ACCSL: variants seen among roughly 807,000 people sequenced by gnomAD.
ACCSL encodes the protein 1-aminocyclopropane-1-carboxylate synthase homolog (inactive) like, also known as probable inactive 1-aminocyclopropane-1-carboxylate synthase-like protein 2.
In ACCSL, 55 loss-of-function variants were observed where a neutral mutation model predicts 61.7. That is an observed-to-expected ratio of 0.89 (90% CI 0.72 to 1.12). The LOEUF is 1.12. ACCSL is among the 50% of genes most tolerant of loss of function. The pLI is 0.00. For synonymous variants in ACCSL, 258 were observed against 264.3 expected (o/e 0.98, Z 0.23); for missense variants, 632 against 698.0 (o/e 0.91, Z 1.07).
At chr11:43,944,131 G>A in the ACCSL span, 2 of 329,296 alleles carry the variant, frequency 6.1e-6, no homozygotes, top group South Asian at 5.0e-5. Flanking sequence ...CCGGCATCCG[G>A]GCTGAAGTGA....
At chr11:43,960,694 C>T in the ACCSL span, among the ~76,000 whole-genome samples, 1 of 152,140 alleles carries the variant, frequency 6.6e-6, no homozygotes, top group African/African-American at 2.4e-5. Flanking sequence ...CTGTTTTTTA[C>T]TGCTTTAAAG....
the ACCSL span, among the ~76,000 whole-genome samples, chr11:43,965,868 C>T: frequency 6.6e-6 from 1 of 152,148 alleles, no homozygotes; most frequent in African/African-American, 2.4e-5. Flanking sequence ...GTTTCTTCAA[C>T]AAATGATGCT....
intron 8 of ACCSL, 131 bp from the exon 9 acceptor site, chr11:44,055,071 G>A (rs1952662837): frequency 4.8e-6 from 3 of 622,776 alleles, no homozygotes; most frequent in African/African-American, 3.6e-5. Flanking sequence ...CAGTAGGAGT[G>A]CATGATCTGT....
Position 44,048,253 on chromosome 11 carries a change from C to T in ACCSL, c.217C>T (p.Arg73Cys), listed in dbSNP as rs754863482. The change falls in exon 1 of 14, where the codon CGC (arginine) becomes TGC (cysteine). Residue 73 changes from arginine (R) to cysteine (C), a missense_variant. Arg to Cys is a radical substitution (Grantham distance 180). Transcript: ENST00000378832. ...AICEHEALLS[R>C]LICRMINLLQ... ...CTGTGAGCATGAAGCCCTTCTGAGT[C>T]GCTTAATATGCCGGATGATCAACCT... 32 of 1,613,994 alleles carry T rather than the reference C, an allele frequency of 2.0e-5. No individual in the cohort carries two copies. Among genetic ancestry groups the T allele is most frequent in the African/African-American group, 6.7e-5 (5 of 74,910 alleles).
the ACCSL span, among the ~76,000 whole-genome samples, chr11:43,925,975 C>T: frequency 5.9e-5 from 9 of 152,174 alleles, no homozygotes; most frequent in Non-Finnish European, 1.3e-4. Flanking sequence ...GCTGGGTGGG[C>T]GGTCCTTCTG....
chr11:44,031,687 G>A, the ACCSL span, among the ~76,000 whole-genome samples: 2 of 152,156 alleles, frequency 1.3e-5, no homozygotes, highest in Admixed American at 1.3e-4. Context: ...TCCAAGAAAG[G>A]TTGAGTCAGG....
the ACCSL span, chr11:43,925,522 A>G: frequency 2.2e-6 from 1 of 446,918 alleles, no homozygotes; most frequent in South Asian, 1.6e-5. Context: ...GCACCAACCG[A>G]TGAGGGGAAT....
At chr11:43,998,423 C>T in the ACCSL span, among the ~76,000 whole-genome samples, 1 of 152,088 alleles carries the variant, frequency 6.6e-6, no homozygotes, top group African/African-American at 2.4e-5. Context: ...AAACCAGAGC[C>T]TTTGTGACTG....
At chr11:43,997,485 C>G in the ACCSL span, among the ~76,000 whole-genome samples, 2 of 152,170 alleles carry the variant, frequency 1.3e-5, no homozygotes, top group African/African-American at 4.8e-5. Flanking sequence ...TGTTTGGCAG[C>G]TTTCCAGTTG....
chr11:43,981,216 C>G, the ACCSL span, among the ~76,000 whole-genome samples: 1 of 152,192 alleles, frequency 6.6e-6, no homozygotes, highest in East Asian at 1.9e-4. Flanking sequence ...CTCATGCCTC[C>G]ATGTAGCCTA....
chr11:44,007,988 G>A, the ACCSL span, among the ~76,000 whole-genome samples: 19 of 152,076 alleles, frequency 1.2e-4, no homozygotes, highest in African/African-American at 3.9e-4. Context: ...GAGGGTTCTT[G>A]CTTTAGACAG....
At chr11:43,999,583 AG>A in the ACCSL span, among the ~76,000 whole-genome samples, 1 of 152,210 alleles carries the variant, frequency 6.6e-6, no homozygotes, top group Non-Finnish European at 1.5e-5. Context: ...CGGCAAAGCT[AG>A]CAAGGGTGAG....
chr11:43,953,394 GC>G, the ACCSL span, among the ~76,000 whole-genome samples: 24,235 of 151,830 alleles, frequency 0.16, 2,111 homozygotes, highest in Middle Eastern at 0.38. Flanking sequence ...TGTGGTGGGT[GC>G]CTGTAATCCC....
the ACCSL span, among the ~76,000 whole-genome samples, chr11:43,986,994 G>A: frequency 6.6e-6 from 1 of 152,162 alleles, no homozygotes; most frequent in East Asian, 1.9e-4. Context: ...TGGAAAGTAA[G>A]TTCTAGCAAT....
chr11:44,020,933 C>T, the ACCSL span, among the ~76,000 whole-genome samples: 1 of 152,106 alleles, frequency 6.6e-6, no homozygotes, highest in African/African-American at 2.4e-5. Flanking sequence ...CCAACTACAT[C>T]TGGGTTGCTG....
chr11:44,045,960 C>A (rs1952594730), upstream of ACCSL, among the ~76,000 whole-genome samples: 1 of 152,128 alleles, frequency 6.6e-6, no homozygotes, highest in African/African-American at 2.4e-5. Flanking sequence ...GGTTACCACC[C>A]CGATCTTGGC....
chr11:43,936,943 A>T, the ACCSL span, among the ~76,000 whole-genome samples: 2 of 151,978 alleles, frequency 1.3e-5, no homozygotes, highest in African/African-American at 2.4e-5. Flanking sequence ...CCAGGAGGGG[A>T]TGATCTTATT....
the ACCSL span, among the ~76,000 whole-genome samples, chr11:43,995,772 C>A: frequency 3.3e-5 from 5 of 152,210 alleles, no homozygotes; most frequent in Admixed American, 1.3e-4. Context: ...TAAGAAGGGG[C>A]CTTGCCAGAC....
At chr11:44,036,531 C>T in the ACCSL span, among the ~76,000 whole-genome samples, 1 of 152,156 alleles carries the variant, frequency 6.6e-6, no homozygotes, top group African/African-American at 2.4e-5. Context: ...CCTGCAATCC[C>T]AGCACTTTAG....
Sources: allele counts gnomAD v4.1 joint callset (sites outside exome capture counted in the v4.1 genomes callset), GRCh38; gene constraint gnomAD v4.1.1; transcripts MANE v1.5; gene names NCBI Gene and HGNC (gene_info 2026-07-23, HGNC 2026-07-21).